WWP1: variants seen among roughly 807,000 people sequenced by gnomAD.
The protein encoded by WWP1 is NEDD4-like E3 ubiquitin-protein ligase WWP1.
In WWP1, 49 loss-of-function variants were observed where a neutral mutation model predicts 130.6. That is an observed-to-expected ratio of 0.38 (90% CI 0.30 to 0.48). WWP1 has a LOEUF of 0.48. Ranked by LOEUF, WWP1 falls within the 20% of genes least tolerant of loss-of-function variation. The probability of loss-of-function intolerance (pLI) is 0.99; values close to 1 mark genes in which losing one functional copy is unlikely to be tolerated. For missense variants in WWP1, 809 were observed against 1,100.6 expected, an observed-to-expected ratio of 0.74 and a Z score of 3.75; for synonymous variants, 332 against 367.8, an observed-to-expected ratio of 0.90 and a Z score of 1.11.
chr8:86,394,933 T>TAAAAAAA (rs10694206), intron 5 of WWP1, among the ~76,000 whole-genome samples: 6 of 76,432 alleles, frequency 7.9e-5, no homozygotes, highest in Non-Finnish European at 9.6e-5. Context: ...CTGTTCTTCT[T>TAAAAAAA]AAAAAAAAAA....
At chr8:86,364,866 AAG>A (rs879525857) in intron 1 of WWP1, among the ~76,000 whole-genome samples, 1 of 151,784 alleles carries the variant, frequency 6.6e-6, no homozygotes, top group African/African-American at 2.4e-5. Context: ...AGAAAGAAGA[AAG>A]AGAGAAAGAA....
At chr8:86,373,224 G>T (rs892173973) in intron 2 of WWP1, among the ~76,000 whole-genome samples, 1 of 151,616 alleles carries the variant, frequency 6.6e-6, no homozygotes, top group African/African-American at 2.4e-5. Context: ...AACATTTTTT[G>T]AAATTTAGTG....
At chr8:86,428,762 C>T (rs765486529) in intron 11 of WWP1, among the ~76,000 whole-genome samples, 19 of 151,980 alleles carry the variant, frequency 1.3e-4, no homozygotes, top group Non-Finnish European at 2.4e-4. Context: ...TGGTAAGGTT[C>T]CATAATTTAG....
At chr8:86,349,837 C>T (rs1484681016) in intron 1 of WWP1, among the ~76,000 whole-genome samples, 1 of 151,780 alleles carries the variant, frequency 6.6e-6, no homozygotes, top group Non-Finnish European at 1.5e-5. Context: ...TTTACCCGAT[C>T]TCGTGAATTG....
chr8:86,425,346 A>C (rs1453060931), intron 10 of WWP1, 28 bp downstream of exon 10: 3 of 1,542,928 alleles, frequency 1.9e-6, no homozygotes, highest in Admixed American at 1.9e-5. Flanking sequence ...ATGCATTTGT[A>C]ATTATATTTT....
In WWP1 at chr8:86,368,938, G is replaced by A. The variant is rs539373681; in HGVS notation, c.-114-1G>A. 2 of 152,252 alleles carry A rather than the reference G, an allele frequency of 1.3e-5. No individual in the cohort carries two copies. Among genetic ancestry groups the A allele is most frequent in the South Asian group, 4.1e-4 (2 of 4,820 alleles). 9.4% of individuals were successfully genotyped at this position (152,252 alleles called of 1,614,324 possible). The stretch of plus-strand genomic sequence containing the variant: ...ACTGAAAGCTATTTATTTGTTTACA[G>A]GGTTGTCTCCTCACAGACTATGAGC... On this transcript the variant is annotated splice_acceptor_variant, in intron 1 of 24. Transcript: ENST00000517970. LOFTEE classifies it low-confidence loss of function (5UTR_SPLICE).
intron 24 of WWP1, among the ~76,000 whole-genome samples, chr8:86,462,369 C>CA (rs1272723667): frequency 2.0e-5 from 3 of 152,046 alleles, no homozygotes; most frequent in Non-Finnish European, 4.4e-5. Context: ...CTGAAGTAAA[C>CA]AAAGACCCCG....
intron 11 of WWP1, 46 bp from the exon 12 acceptor site, chr8:86,430,651 A>G: frequency 6.7e-7 from 1 of 1,481,938 alleles, no homozygotes; most frequent in Non-Finnish European, 9.2e-7. Flanking sequence ...CTTTCATATT[A>G]AAACACTGTT....
chr8:86,429,724 G>C (rs1809830217), intron 11 of WWP1, among the ~76,000 whole-genome samples: 3 of 152,160 alleles, frequency 2.0e-5, no homozygotes, highest in African/African-American at 7.2e-5. Context: ...AAATAATATT[G>C]CCTCATTTAA....
intron 3 of WWP1, among the ~76,000 whole-genome samples, chr8:86,378,391 T>C (rs956827440): frequency 2.0e-5 from 3 of 152,270 alleles, no homozygotes; most frequent in Admixed American, 1.3e-4. Flanking sequence ...GACTCTTACT[T>C]ATTTCTTAAG....
intron 1 of WWP1, among the ~76,000 whole-genome samples, chr8:86,361,988 A>G (rs1002695072): frequency 1.5e-4 from 20 of 136,496 alleles, no homozygotes; most frequent in African/African-American, 5.1e-4. Flanking sequence ...ATATATATAT[A>G]TATACATATA....
intron 3 of WWP1, among the ~76,000 whole-genome samples, chr8:86,376,197 G>A (rs769122929): frequency 1.6e-4 from 24 of 152,274 alleles, no homozygotes; most frequent in South Asian, 2.1e-4. Context: ...TGTAACTTGC[G>A]TAGGACCAAT....
intron 5 of WWP1, among the ~76,000 whole-genome samples, chr8:86,396,212 C>T (rs1002921682): frequency 1.3e-5 from 2 of 152,118 alleles, no homozygotes; most frequent in Admixed American, 6.5e-5. Flanking sequence ...AATTCTCCTG[C>T]GTCAGCCTCC....
chr8:86,360,154 AAAAAACC>A (rs1823503978), intron 1 of WWP1, among the ~76,000 whole-genome samples: 1 of 151,480 alleles, frequency 6.6e-6, no homozygotes, highest in African/African-American at 2.4e-5. Context: ...AAAAAAAAAC[AAAAAACC>A]AAACCAAACC....
intron 3 of WWP1, among the ~76,000 whole-genome samples, chr8:86,375,998 T>C (rs1348666482): frequency 6.6e-6 from 1 of 152,236 alleles, no homozygotes; most frequent in Non-Finnish European, 1.5e-5. Context: ...AAATAGCATT[T>C]CTCTCACTGT....
intron 22 of WWP1, among the ~76,000 whole-genome samples, chr8:86,458,738 T>C (rs138056168): frequency 3.9e-5 from 6 of 152,326 alleles, no homozygotes; most frequent in African/African-American, 1.2e-4. Context: ...TTTTGTGTTA[T>C]AGTACACTTT....
chr8:86,449,291 A>G (rs1346644223), intron 20 of WWP1, among the ~76,000 whole-genome samples: 1 of 152,212 alleles, frequency 6.6e-6, no homozygotes, highest in East Asian at 1.9e-4. Flanking sequence ...AATAATTTCC[A>G]TTTGCCAGCC....
At chr8:86,443,503 C>T (rs1057276312) in intron 18 of WWP1, among the ~76,000 whole-genome samples, 1 of 152,072 alleles carries the variant, frequency 6.6e-6, no homozygotes, top group Non-Finnish European at 1.5e-5. Flanking sequence ...TATTTATTTA[C>T]GTATTTATTT....
chr8:86,460,790 CTTTTTTTTTTTTTTTTTTTTTT>C lies in WWP1; in HGVS notation c.2500-418_2500-397del, dbSNP rs59506795. Among the ~76,000 whole-genome samples, 5 of 62,404 alleles carry C rather than the reference CTTTTTTTTTTTTTTTTTTTTTT, an allele frequency of 8.0e-5. 2 individuals carry two copies. The highest frequency in any genetic ancestry group is 1.7e-3 in the East Asian group (2 of 1,184). 40.9% of individuals were successfully genotyped at this position (62,404 alleles called of 152,430 possible). A position where few individuals can be genotyped will look rare whatever the true frequency, so the allele number is the denominator to read the frequency against. On this transcript the variant is annotated intron_variant, in intron 22 of 24. Coordinates refer to ENST00000517970, the MANE Select transcript of WWP1 (RefSeq NM_007013.4). ...ACCCTACAACCTCTTTTTAGCACAT[CTTTTTTTTTTTTTTTTTTTTTT>C]TTTTTTTTTTTTTTTGAGACAGAGT...
Sources: allele counts gnomAD v4.1 joint callset (sites outside exome capture counted in the v4.1 genomes callset), GRCh38; gene constraint gnomAD v4.1.1; transcripts MANE v1.5; gene names NCBI Gene and HGNC (gene_info 2026-07-23, HGNC 2026-07-21).